RECK: variants seen among roughly 807,000 people sequenced by gnomAD.
RECK encodes the protein reversion inducing cysteine rich protein with kazal motifs.
A neutral mutation model predicts 115.1 loss-of-function variants in RECK; 69 were observed. The observed-to-expected ratio is 0.60, with a 90% CI of 0.49 to 0.73. The LOEUF (loss-of-function observed/expected upper bound fraction) is 0.73. RECK is among the 30% of genes least tolerant of loss of function. The pLI is 0.00. For missense variants in RECK, 1,047 were observed against 1,203.7 expected (o/e 0.87, Z 1.93); for synonymous variants, 414 against 419.7 (o/e 0.99, Z 0.17).
intron 1 of RECK, among the ~76,000 whole-genome samples, chr9:36,044,225 T>TA (rs996607967): frequency 1.3e-5 from 2 of 152,022 alleles, no homozygotes; most frequent in Non-Finnish European, 2.9e-5. Context: ...ATTTTATTTT[T>TA]TTTTTTTGCA....
At chr9:36,050,034 G>T (rs745627200) in intron 1 of RECK, among the ~76,000 whole-genome samples, 1 of 152,062 alleles carries the variant, frequency 6.6e-6, no homozygotes, top group Non-Finnish European at 1.5e-5. Flanking sequence ...GTTCTCACCT[G>T]TCTCTGAAGG....
intron 1 of RECK, among the ~76,000 whole-genome samples, chr9:36,050,212 G>T (rs1386195126): frequency 2.0e-5 from 3 of 151,986 alleles, no homozygotes; most frequent in Non-Finnish European, 4.4e-5. Flanking sequence ...TATATAATAG[G>T]CATCTCAAAA....
chr9:36,064,164 A>G (rs1032228456), intron 5 of RECK, among the ~76,000 whole-genome samples: 3 of 152,198 alleles, frequency 2.0e-5, no homozygotes, highest in East Asian at 1.9e-4. Flanking sequence ...TTTGCCTGCA[A>G]TCATGCTGAA....
chr9:36,042,630 G>T (rs1022917694), intron 1 of RECK, among the ~76,000 whole-genome samples: 4 of 152,102 alleles, frequency 2.6e-5, no homozygotes, highest in Non-Finnish European at 5.9e-5. Context: ...TAATTGTGCT[G>T]CTATAAGCAT....
chr9:36,096,645 C>T (rs901679829), intron 10 of RECK, among the ~76,000 whole-genome samples: 2 of 151,956 alleles, frequency 1.3e-5, no homozygotes, highest in African/African-American at 4.8e-5. Context: ...GAACCTCAAC[C>T]TGTGTTTCAC....
intron 10 of RECK, among the ~76,000 whole-genome samples, chr9:36,093,982 G>GA (rs1339818872): frequency 6.0e-5 from 9 of 149,718 alleles, no homozygotes; most frequent in South Asian, 2.1e-4. Flanking sequence ...AGTACTCAGA[G>GA]AAAAAAAAAT....
intron 16 of RECK, among the ~76,000 whole-genome samples, chr9:36,116,176 T>C (rs1824255395): frequency 6.8e-6 from 1 of 147,738 alleles, no homozygotes. Flanking sequence ...TTGCCCAGGC[T>C]GGGGTGCAAT....
At position 36,051,007 on chromosome 9, in the gene RECK, C is replaced by CAT. The variant is rs751705189; in HGVS notation, c.101-1247_101-1246dup. ...CATTCGTATTCTCTCTCTCTGTCTC[C>CAT]ATATATATATATGTATGTGTATATA... On this transcript the variant is annotated intron_variant, in intron 1 of 20. Transcript: ENST00000377966. 1.0e-3 allele frequency among the ~76,000 whole-genome samples: 155 copies of CAT among 151,588 alleles called. 1 individual carries two copies. Among genetic ancestry groups the CAT allele is most frequent in the African/African-American group, 2.6e-3 (109 of 41,330 alleles).
At chr9:36,059,964 C>A (rs1821691331) in intron 3 of RECK, among the ~76,000 whole-genome samples, 155 bp from the exon 4 acceptor site, 1 of 152,104 alleles carries the variant, frequency 6.6e-6, no homozygotes, top group South Asian at 2.1e-4. Context: ...CTTTGTTCCC[C>A]CCGAATAGCT....
chr9:36,044,126 T>C (rs1477543104), intron 1 of RECK, among the ~76,000 whole-genome samples: 1 of 152,236 alleles, frequency 6.6e-6, no homozygotes, highest in Non-Finnish European at 1.5e-5. Flanking sequence ...CATTTGTTTC[T>C]GTTGTCTGTA....
Position 36,121,701 on chromosome 9 carries a change from C to G in RECK, c.2694+13C>G. On this transcript the variant is annotated intron_variant, in intron 20 of 20. Transcript: ENST00000377966. ...AAAAGCTCTGCAGGTGAGTTCAGCACATGTTGTGAAGCCATCTTGTCACTT... is the reference window on the plus strand; with the variant it reads ...AAAAGCTCTGCAGGTGAGTTCAGCAGATGTTGTGAAGCCATCTTGTCACTT... 1.2e-6 allele frequency: 2 copies of G among 1,612,140 alleles called. No individual in the cohort carries two copies. Among genetic ancestry groups the G allele is most frequent in the Non-Finnish European group, 1.7e-6 (2 of 1,178,814 alleles).
chr9:36,059,183 G>C (rs553571759), intron 3 of RECK, among the ~76,000 whole-genome samples: 1 of 152,162 alleles, frequency 6.6e-6, no homozygotes, highest in African/African-American at 2.4e-5. Context: ...GGGGTCGGGC[G>C]TGGTGGCTGA....
intron 1 of RECK, 94 bp downstream of exon 1, chr9:36,037,192 A>AC (rs1820699311): frequency 2.3e-6 from 1 of 442,936 alleles, no homozygotes; most frequent in African/African-American, 2.2e-5. Flanking sequence ...GGTGCGCGCG[A>AC]CCCCCAGACC....
chr9:36,060,226 A>C lies in RECK; in HGVS notation c.271+71A>C, dbSNP rs1343664764. ...ACTGTGTGAATGTAAAATTGGTGTC[A>C]TTGTCCTGGAACCTAATTTATACTC... On this transcript the variant is annotated intron_variant, in intron 4 of 20. Coordinates refer to ENST00000377966, the MANE Select transcript of RECK (RefSeq NM_021111.3). The C allele has an allele frequency of 1.9e-5, 27 of 1,450,118 alleles. No homozygotes were observed. In the East Asian group the frequency reaches 2.5e-4, roughly 13 times the overall value. 89.8% of individuals were successfully genotyped at this position (1,450,118 alleles called of 1,614,324 possible).
At position 36,118,842 on chromosome 9, in the gene RECK, C is replaced by G. The variant is rs1161532001; in HGVS notation, c.2339C>G (p.Ala780Gly). The G allele has an allele frequency of 6.2e-7, 1 of 1,614,146 alleles. No homozygotes were observed. Among genetic ancestry groups the G allele is most frequent in the Non-Finnish European group, 8.5e-7 (1 of 1,180,044 alleles). Residue 780 changes from alanine to glycine, a missense_variant, in exon 18 of 21, where the codon GCA (alanine) becomes GGA (glycine). By Grantham distance (60) the Ala-to-Gly change is moderately conservative. Transcript: ENST00000377966. ...SVCAAYSDRV[A>G]VDYYGDCQAV... ...TGTGCTGCCTACTCGGATCGCGTGG[C>G]AGTCGATTACTATGGGGACTGCCAG...
intron 19 of RECK, among the ~76,000 whole-genome samples, chr9:36,121,173 A>G (rs1035324730): frequency 4.6e-5 from 7 of 152,158 alleles, no homozygotes; most frequent in Admixed American, 6.5e-5. Flanking sequence ...TTTCTGCACC[A>G]TCACAGGGCT....
chr9:36,064,861 G>A (rs935091372), intron 5 of RECK, among the ~76,000 whole-genome samples: 23 of 152,192 alleles, frequency 1.5e-4, no homozygotes, highest in Middle Eastern at 3.4e-3. Context: ...AGGAACCAGA[G>A]CTCACAGCTC....
chr9:36,114,054 A>G (rs1421571502), intron 16 of RECK, among the ~76,000 whole-genome samples: 3 of 152,184 alleles, frequency 2.0e-5, no homozygotes, highest in Admixed American at 6.5e-5. Flanking sequence ...CTACAGCCTC[A>G]TAGTCCTCTT....
chr9:36,109,496 GAA>G (rs562771032), intron 14 of RECK, among the ~76,000 whole-genome samples: 78 of 152,298 alleles, frequency 5.1e-4, no homozygotes, highest in Non-Finnish European at 9.4e-4. Context: ...AGGCAAATAT[GAA>G]AATATAAATC....
Sources: gnomAD v4.1 joint callset for allele counts (sites outside exome capture counted in the v4.1 genomes callset) on GRCh38, gnomAD v4.1.1 for gene constraint, MANE v1.5 for transcripts, NCBI Gene and HGNC (gene_info 2026-07-23, HGNC 2026-07-21) for gene names.